Variants in KIAA0232 observed in about 807,000 individuals in gnomAD.
The protein encoded by KIAA0232 is KIAA0232, also known as uncharacterized protein KIAA0232.
A neutral mutation model predicts 122.0 loss-of-function variants in KIAA0232; 27 were observed. The observed-to-expected ratio is 0.22, with a 90% CI of 0.16 to 0.31. The LOEUF (loss-of-function observed/expected upper bound fraction) is 0.31, where lower values mean the gene tolerates loss of function less well. KIAA0232 is among the 10% of genes least tolerant of loss of function. The probability of loss-of-function intolerance (pLI) is 1.00; values close to 1 mark genes in which losing one functional copy is unlikely to be tolerated. For synonymous variants in KIAA0232, 613 were observed against 587.6 expected (o/e 1.04, Z -0.63); for missense variants, 1,551 against 1,634.2 (o/e 0.95, Z 0.88).
intron 2 of KIAA0232, among the ~76,000 whole-genome samples, chr4:6,809,013 C>T (rs536006157): frequency 2.0e-5 from 3 of 152,126 alleles, no homozygotes; most frequent in Admixed American, 1.3e-4. Context: ...ATGAGGACAG[C>T]CAGCACTCTA....
At chr4:6,826,176 C>A (rs1360531116) in intron 3 of KIAA0232, among the ~76,000 whole-genome samples, 1 of 152,196 alleles carries the variant, frequency 6.6e-6, no homozygotes, top group African/African-American at 2.4e-5. Context: ...GGTTTCTCAT[C>A]ATGTCTAGCT....
rs749354748 is a variant in KIAA0232 at position 6,838,727 on chromosome 4, C to CTT, written c.232-3319_232-3318dup. 7.0e-3 allele frequency among the ~76,000 whole-genome samples: 756 copies of CTT among 108,056 alleles called. 11 individuals carry two copies. The highest frequency in any genetic ancestry group is 0.019 in the African/African-American group (532 of 27,640). The allele number at this position is 108,056 out of a possible 152,430, so 70.9% of individuals were successfully genotyped here. A position where few individuals can be genotyped will look rare whatever the true frequency, so the allele number is the denominator to read the frequency against. ...GAACTGACTTGTACTTTCAAAGCAG[C>CTT]TTTTTTTTTTTTTTTTTTTTTTGAG... On this transcript the variant is annotated intron_variant, in intron 3 of 9. Transcript: ENST00000307659.
intron 2 of KIAA0232, among the ~76,000 whole-genome samples, chr4:6,807,032 GTCTA>G (rs71173468): frequency 0.31 from 44,945 of 145,474 alleles, 7,652 homozygotes; most frequent in Non-Finnish European, 0.38. Flanking sequence ...CTGTCTGTCT[GTCTA>G]TCTATCTATC....
intron 3 of KIAA0232, among the ~76,000 whole-genome samples, chr4:6,834,935 A>C (rs6848312): frequency 0.11 from 16,293 of 152,158 alleles, 1,134 homozygotes; most frequent in Non-Finnish European, 0.13. Context: ...AAACTGCCCC[A>C]AAACTTAGTA....
intron 1 of KIAA0232, among the ~76,000 whole-genome samples, chr4:6,794,509 A>G (rs1387260042): frequency 6.6e-6 from 1 of 152,220 alleles, no homozygotes; most frequent in Non-Finnish European, 1.5e-5. Flanking sequence ...AAGCAAGTAG[A>G]TGCATATGTG....
chr4:6,785,348 C>G (rs897147636), intron 1 of KIAA0232, among the ~76,000 whole-genome samples: 2 of 152,144 alleles, frequency 1.3e-5, no homozygotes, highest in Non-Finnish European at 2.9e-5. Flanking sequence ...TGTTCTTGTT[C>G]TTTATTTTTC....
chr4:6,803,204 CAT>C (rs34234535), intron 1 of KIAA0232, among the ~76,000 whole-genome samples: 56,458 of 141,292 alleles, frequency 0.4, 10,749 homozygotes, highest in East Asian at 0.51. Context: ...AAAATGAGTG[CAT>C]ATATATATAT....
rs1367594148 is a variant in KIAA0232 at position 6,834,836 on chromosome 4, G to T, written c.232-7231G>T. Among the ~76,000 whole-genome samples the T allele has an allele frequency of 5.3e-5, 8 of 152,302 alleles. No individual in the cohort carries two copies. The South Asian group carries it at 1.7e-3, about 32-fold the overall frequency. ...GTTCACTGTAAAAGTTATAATGGGA[G>T]GGGTAGGGGTGGTTCTCTTGAGTTT... On this transcript the variant is annotated intron_variant, in intron 3 of 9. Transcript: ENST00000307659.
chr4:6,784,865 C>A (rs563535576), intron 1 of KIAA0232, among the ~76,000 whole-genome samples: 1 of 151,486 alleles, frequency 6.6e-6, no homozygotes, highest in Non-Finnish European at 1.5e-5. Context: ...TTTAACATGA[C>A]GTTAACAGAA....
At chr4:6,840,721 CT>C (rs34081561) in intron 3 of KIAA0232, among the ~76,000 whole-genome samples, 1,923 of 139,362 alleles carry the variant, frequency 0.014, 13 homozygotes, top group Middle Eastern at 0.022. Context: ...TATAAGCAGA[CT>C]TTTTTTTTTT....
At chr4:6,795,113 C>T (rs1173576848) in intron 1 of KIAA0232, among the ~76,000 whole-genome samples, 1 of 151,604 alleles carries the variant, frequency 6.6e-6, no homozygotes, top group African/African-American at 2.4e-5. Context: ...CTCTGTCGCC[C>T]AGGCTGGAGT....
intron 1 of KIAA0232, among the ~76,000 whole-genome samples, chr4:6,796,496 C>T (rs1422501268): frequency 6.6e-6 from 1 of 152,214 alleles, no homozygotes; most frequent in Non-Finnish European, 1.5e-5. Context: ...CCTGCCTTGG[C>T]CTCCCAAAGT....
chr4:6,836,189 T>C (rs1719256824), intron 3 of KIAA0232, among the ~76,000 whole-genome samples: 2 of 152,250 alleles, frequency 1.3e-5, no homozygotes, highest in Admixed American at 1.3e-4. Context: ...TATCTCATTG[T>C]GGTTTTGATT....
chr4:6,815,872 A>G (rs1210088889), intron 2 of KIAA0232, among the ~76,000 whole-genome samples: 1 of 152,206 alleles, frequency 6.6e-6, no homozygotes, highest in African/African-American at 2.4e-5. Flanking sequence ...GTGGGCGTTC[A>G]ATATGCTTTG....
chr4:6,795,649 G>C (rs182390801), intron 1 of KIAA0232, among the ~76,000 whole-genome samples: 3 of 152,300 alleles, frequency 2.0e-5, no homozygotes, highest in African/African-American at 7.2e-5. Context: ...CTGGAGTGCG[G>C]TGGTACATTC....
chr4:6,880,896 CAGGCTCAGA>C lies in KIAA0232; in HGVS notation c.4123_4131del (p.Ser1375_Gly1377del), dbSNP rs757734729. On this transcript the variant is annotated inframe_deletion, in exon 10 of 10. Transcript: ENST00000307659. ...AGCGCCAGCTCCACCTCGGAAGAGACAGGCTCAGAAGGCGGAGGCGAGTGGGTGGGCCCT... is the reference window on the plus strand; with the variant it reads ...AGCGCCAGCTCCACCTCGGAAGAGACAGGCGGAGGCGAGTGGGTGGGCCCT... The C allele has an allele frequency of 6.2e-7, 1 of 1,607,734 alleles. No homozygotes were observed. The highest frequency in any genetic ancestry group is 1.1e-5 in the South Asian group (1 of 89,404).
At chr4:6,800,043 C>CTTTTTT (rs752428517) in intron 1 of KIAA0232, among the ~76,000 whole-genome samples, 811 of 59,772 alleles carry the variant, frequency 0.014, 130 homozygotes, top group Non-Finnish European at 0.017. Context: ...TTCTTTCTTT[C>CTTTTTT]TTTTTTTTTT....
intron 2 of KIAA0232, among the ~76,000 whole-genome samples, chr4:6,818,263 T>C (rs1435739312): frequency 6.6e-6 from 1 of 151,696 alleles, no homozygotes; most frequent in Non-Finnish European, 1.5e-5. Context: ...TAGCTGGGCA[T>C]GGTGGTGGGC....
intron 1 of KIAA0232, among the ~76,000 whole-genome samples, chr4:6,784,131 A>C (rs1716500925): frequency 6.6e-6 from 1 of 151,768 alleles, no homozygotes; most frequent in Non-Finnish European, 1.5e-5. Context: ...TTCAGCGGAG[A>C]GGAGGCATGC....
Sources: allele counts gnomAD v4.1 joint callset (sites outside exome capture counted in the v4.1 genomes callset), GRCh38; gene constraint gnomAD v4.1.1; transcripts MANE v1.5; gene names NCBI Gene and HGNC (gene_info 2026-07-23, HGNC 2026-07-21).